The following TMEM192 variants were observed in gnomAD, a reference collection of about 807,000 sequenced individuals.
The protein encoded by TMEM192 is transmembrane protein 192.
A neutral mutation model predicts 26.7 loss-of-function variants in TMEM192; 20 were observed. The observed-to-expected ratio is 0.75, with a 90% CI of 0.53 to 1.09. TMEM192 has a LOEUF of 1.09. Among genes scored for constraint, TMEM192 ranks in the 50% least tolerant of loss-of-function variants. TMEM192 has a pLI of 0.00. For missense variants in TMEM192, 304 were observed against 322.6 expected (o/e 0.94, Z 0.44); for synonymous variants, 124 against 121.0 (o/e 1.02, Z -0.16).
chr4:165,107,927 A>G (rs1422191859), intron 1 of TMEM192, among the ~76,000 whole-genome samples: 1 of 152,144 alleles, frequency 6.6e-6, no homozygotes, highest in African/African-American at 2.4e-5. Context: ...CTAAATATAT[A>G]GAAGACATTT....
chr4:165,096,537 T>C (rs973550452), intron 3 of TMEM192, among the ~76,000 whole-genome samples: 16 of 151,926 alleles, frequency 1.1e-4, no homozygotes, highest in African/African-American at 3.6e-4. Flanking sequence ...TTTTTTTTCT[T>C]CTCTGGAAAA....
intron 5 of TMEM192, 57 bp downstream of exon 5, chr4:165,085,529 G>A (rs1734590906): frequency 2.7e-6 from 3 of 1,108,728 alleles, no homozygotes; most frequent in Non-Finnish European, 4.0e-6. Flanking sequence ...GCATCAGAAT[G>A]GTTTCTAGCT....
In TMEM192 at chr4:165,089,969, T is replaced by C. The variant is rs1006406433; in HGVS notation, c.440-1367A>G. On this transcript the variant is annotated intron_variant, in intron 3 of 5. Coordinates refer to ENST00000306480, the MANE Select transcript of TMEM192 (RefSeq NM_001100389.2). ...GCTCACGCCTGTAATCCCAACACTT[T>C]GGGAGGCCAAGGTGGGTAGATCACC... Among the ~76,000 whole-genome samples, 3 of 151,942 alleles carry C rather than the reference T, an allele frequency of 2.0e-5. No individual in the cohort carries two copies. In the East Asian group the frequency reaches 5.8e-4, roughly 30 times the overall value.
intron 1 of TMEM192, among the ~76,000 whole-genome samples, chr4:165,110,240 T>G (rs187727816): frequency 1.4e-4 from 21 of 152,356 alleles, no homozygotes; most frequent in African/African-American, 5.0e-4. Flanking sequence ...CTGTTGTTTT[T>G]GCCCACATGG....
At chr4:165,079,819 T>C (rs1734482005) in intron 5 of TMEM192, 23 bp from the exon 6 acceptor site, 1 of 1,611,022 alleles carries the variant, frequency 6.2e-7, no homozygotes, top group African/African-American at 1.3e-5. Context: ...AAGATATAAA[T>C]GGGTTACACA....
chr4:165,099,700 T>C (rs928891753), intron 3 of TMEM192, among the ~76,000 whole-genome samples: 1 of 152,158 alleles, frequency 6.6e-6, no homozygotes, highest in Non-Finnish European at 1.5e-5. Context: ...CCTAGAGCTT[T>C]GGGAGCCTGA....
chr4:165,092,198 T>C (rs1230092242), intron 3 of TMEM192, among the ~76,000 whole-genome samples: 1 of 134,480 alleles, frequency 7.4e-6, no homozygotes, highest in Non-Finnish European at 1.5e-5. Context: ...CTCAGCTCAC[T>C]GCAACCTCTG....
Position 165,075,394 on chromosome 4 carries a change from AC to A in TMEM192, c.*4263del, listed in dbSNP as rs1734353605. 6.9e-6 allele frequency: 1 copy of A among 143,980 alleles called. No individual in the cohort carries two copies. Among genetic ancestry groups the A allele is most frequent in the African/African-American group, 2.6e-5 (1 of 38,556 alleles). The allele number at this position is 143,980 out of a possible 1,614,324, so 8.9% of individuals were successfully genotyped here. On this transcript the variant is annotated 3_prime_UTR_variant, in exon 6 of 6. Coordinates refer to ENST00000306480, the MANE Select transcript of TMEM192 (RefSeq NM_001100389.2). ...TGAGTAGCTGGGATTACAGGCGCGC[AC>A]CACCACACCCAGCTAATGTTGCTAA...
At chr4:165,094,843 G>A (rs1438472971) in intron 3 of TMEM192, among the ~76,000 whole-genome samples, 2 of 151,604 alleles carry the variant, frequency 1.3e-5, no homozygotes, top group African/African-American at 4.8e-5. Context: ...GCATGGTAGC[G>A]CACACCTGTA....
chr4:165,092,234 G>A (rs1232802436), intron 3 of TMEM192, among the ~76,000 whole-genome samples: 1 of 142,144 alleles, frequency 7.0e-6, no homozygotes, highest in Admixed American at 7.5e-5. Flanking sequence ...TGATTATCCT[G>A]CCTCAGCCTC....
chr4:165,080,581 GGTAA>G (rs1303538938), intron 5 of TMEM192, among the ~76,000 whole-genome samples: 4 of 152,080 alleles, frequency 2.6e-5, no homozygotes, highest in African/African-American at 9.7e-5. Flanking sequence ...TTCAAGGGAT[GGTAA>G]GTGAGAAATT....
At chr4:165,094,212 T>C (rs943680836) in intron 3 of TMEM192, among the ~76,000 whole-genome samples, 5 of 152,124 alleles carry the variant, frequency 3.3e-5, no homozygotes, top group African/African-American at 4.8e-5. Flanking sequence ...AATTTTCGTA[T>C]TTTTAATAGA....
chr4:165,094,208 C>T (rs569764991), intron 3 of TMEM192, among the ~76,000 whole-genome samples: 30 of 151,388 alleles, frequency 2.0e-4, no homozygotes, highest in African/African-American at 7.3e-4. Context: ...GCCTAATTTT[C>T]GTATTTTTAA....
intron 1 of TMEM192, among the ~76,000 whole-genome samples, chr4:165,108,112 C>CTTTT (rs755013001): frequency 8.8e-5 from 8 of 91,174 alleles, no homozygotes; most frequent in African/African-American, 3.7e-4. Flanking sequence ...TCTGTATTCC[C>CTTTT]TTTTTTTTTT....
At position 165,077,157 on chromosome 4, in the gene TMEM192, T is replaced by C. The variant is rs890998019; in HGVS notation, c.*2501A>G. ...CATTTATTGTTTGAAATGTTCATCATTGCATTCAGAAAAATGTTGATGATT... is the reference window on the plus strand; with the variant it reads ...CATTTATTGTTTGAAATGTTCATCACTGCATTCAGAAAAATGTTGATGATT... On this transcript the variant is annotated 3_prime_UTR_variant, in exon 6 of 6. Coordinates refer to ENST00000306480, the MANE Select transcript of TMEM192 (RefSeq NM_001100389.2). 9.9e-5 allele frequency: 15 copies of C among 152,222 alleles called. No individual in the cohort carries two copies. The highest frequency in any genetic ancestry group is 3.4e-4 in the African/African-American group (14 of 41,464). 9.4% of individuals were successfully genotyped at this position (152,222 alleles called of 1,614,324 possible).
rs1044044019 is a variant in TMEM192 at position 165,092,923 on chromosome 4, A to T, written c.440-4321T>A. 5.9e-5 allele frequency among the ~76,000 whole-genome samples: 9 copies of T among 151,854 alleles called. No individual in the cohort carries two copies. The East Asian group carries it at 1.2e-3, about 20-fold the overall frequency. ...TAAAAAAAAAATAATAAAAATAAAT[A>T]AAAAAAGTTTTGACAAAATATCACT... On this transcript the variant is annotated intron_variant, in intron 3 of 5. Coordinates refer to ENST00000306480, the MANE Select transcript of TMEM192 (RefSeq NM_001100389.2).
chr4:165,091,595 T>C (rs1163890530), intron 3 of TMEM192, among the ~76,000 whole-genome samples: 1 of 152,090 alleles, frequency 6.6e-6, no homozygotes, highest in East Asian at 1.9e-4. Flanking sequence ...CACAAGGGCA[T>C]ACCCACACAC....
chr4:165,079,468 A>C lies in TMEM192; in HGVS notation c.*190T>G. On this transcript the variant is annotated 3_prime_UTR_variant, in exon 6 of 6. Transcript: ENST00000306480. ...TCAAGTTATCCGGGCTTCTACAGGTACTTTTCAAGTGACCCACAAGCCCTA... is the reference window on the plus strand; with the variant it reads ...TCAAGTTATCCGGGCTTCTACAGGTCCTTTTCAAGTGACCCACAAGCCCTA... 5.8e-6 allele frequency: 3 copies of C among 516,010 alleles called. 1 individual carries two copies. The South Asian group carries it at 1.1e-4, about 19-fold the overall frequency. The allele number at this position is 516,010 out of a possible 1,614,324, so 32.0% of individuals were successfully genotyped here. A position where few individuals can be genotyped will look rare whatever the true frequency, so the allele number is the denominator to read the frequency against.
At chr4:165,106,130 C>T (rs1438674037) in intron 1 of TMEM192, among the ~76,000 whole-genome samples, 1 of 152,154 alleles carries the variant, frequency 6.6e-6, no homozygotes, top group East Asian at 1.9e-4. Context: ...TTGTAAATTA[C>T]CCTATTTGTA....
Sources: gnomAD v4.1 joint callset for allele counts (sites outside exome capture counted in the v4.1 genomes callset) on GRCh38, gnomAD v4.1.1 for gene constraint, MANE v1.5 for transcripts, NCBI Gene and HGNC (gene_info 2026-07-23, HGNC 2026-07-21) for gene names.